Variants in COLEC10 observed in about 807,000 individuals in gnomAD.
COLEC10 encodes collectin-10.
COLEC10 carries 22 observed loss-of-function variants against 28.4 expected under a neutral mutation model. The observed-to-expected ratio is 0.78, with a 90% CI of 0.55 to 1.11. The LOEUF is 1.11. Among genes scored for constraint, COLEC10 ranks in the 50% least tolerant of loss-of-function variants. The probability of loss-of-function intolerance (pLI) is 0.00; values close to 1 mark genes in which losing one functional copy is unlikely to be tolerated. For missense variants in COLEC10, 361 were observed against 344.1 expected, an observed-to-expected ratio of 1.05 and a Z score of -0.39; for synonymous variants, 125 against 116.1, an observed-to-expected ratio of 1.08 and a Z score of -0.49.
the COLEC10 span, among the ~76,000 whole-genome samples, chr8:118,986,150 C>A: frequency 6.6e-6 from 1 of 152,044 alleles, no homozygotes; most frequent in African/African-American, 2.4e-5. Flanking sequence ...AAAACCAAAG[C>A]AAATACAAAC....
intron 2 of COLEC10, 62 bp downstream of exon 2, chr8:119,089,813 C>A: frequency 1.4e-6 from 2 of 1,388,810 alleles, no homozygotes; most frequent in Non-Finnish European, 1.0e-6. Context: ...TCTCTCCTGG[C>A]CCTTGCCCTG....
intron 1 of COLEC10, chr8:119,068,827 C>T (rs528245647): frequency 1.3e-5 from 2 of 151,896 alleles, no homozygotes; most frequent in African/African-American, 4.8e-5. Flanking sequence ...GTTCTAGAAC[C>T]GTGGGTTCTA....
chr8:119,044,381 A>T (rs750699325), intron 2 of COLEC10, among the ~76,000 whole-genome samples: 1 of 152,214 alleles, frequency 6.6e-6, no homozygotes, highest in Admixed American at 6.5e-5. Context: ...GAGTAAGACC[A>T]TGTGGAATGG....
upstream of COLEC10, among the ~76,000 whole-genome samples, chr8:119,065,157 C>T (rs1462216883): frequency 6.6e-6 from 1 of 152,162 alleles, no homozygotes; most frequent in Non-Finnish European, 1.5e-5. Context: ...CCCCAGTCCC[C>T]AGGCCACGAA....
chr8:119,045,744 T>C (rs1422363693), intron 2 of COLEC10, among the ~76,000 whole-genome samples: 2 of 152,222 alleles, frequency 1.3e-5, no homozygotes, highest in Non-Finnish European at 1.5e-5. Context: ...AATTCAAAAC[T>C]TTTTTTCTCC....
chr8:119,048,109 C>A (rs1474152307), intron 2 of COLEC10, among the ~76,000 whole-genome samples: 3 of 151,984 alleles, frequency 2.0e-5, no homozygotes, highest in African/African-American at 7.3e-5. Flanking sequence ...AGCCTAGTAC[C>A]CAATAGGTAA....
At chr8:119,016,350 C>T (rs1435252413) in intron 2 of COLEC10, among the ~76,000 whole-genome samples, 1 of 152,186 alleles carries the variant, frequency 6.6e-6, no homozygotes, top group Non-Finnish European at 1.5e-5. Flanking sequence ...CTGCAAAGGA[C>T]ATGAACTCAT....
chr8:118,971,360 G>A, the COLEC10 span, among the ~76,000 whole-genome samples: 3 of 151,906 alleles, frequency 2.0e-5, no homozygotes, highest in African/African-American at 7.2e-5. Flanking sequence ...CCTTTTCTGG[G>A]TTCCAGTAAC....
intron 1 of COLEC10, among the ~76,000 whole-genome samples, chr8:119,080,415 A>G (rs951242794): frequency 1.3e-5 from 2 of 152,222 alleles, no homozygotes; most frequent in African/African-American, 2.4e-5. Flanking sequence ...TAAATATTTG[A>G]CATTAATACA....
intron 2 of COLEC10, among the ~76,000 whole-genome samples, chr8:119,044,385 G>A (rs1484605200): frequency 6.6e-6 from 1 of 152,156 alleles, no homozygotes; most frequent in Non-Finnish European, 1.5e-5. Context: ...AAGACCATGT[G>A]GAATGGACCA....
chr8:119,035,473 A>C (rs999637320), intron 2 of COLEC10, among the ~76,000 whole-genome samples: 1 of 152,252 alleles, frequency 6.6e-6, no homozygotes, highest in Non-Finnish European at 1.5e-5. Context: ...TTCCAGTGAA[A>C]AACCTTGGAA....
At chr8:118,993,311 A>G (rs1276726074), upstream of COLEC10, among the ~76,000 whole-genome samples, 1 of 151,836 alleles carries the variant, frequency 6.6e-6, no homozygotes, top group East Asian at 1.9e-4. Flanking sequence ...CTGTTTTCTC[A>G]CATGATCTTT....
chr8:118,993,290 A>G (rs1813532759), upstream of COLEC10, among the ~76,000 whole-genome samples: 1 of 152,004 alleles, frequency 6.6e-6, no homozygotes, highest in Non-Finnish European at 1.5e-5. Context: ...GCTTGTACAT[A>G]GATGTCTTTT....
chr8:119,091,476 G>T (rs543549295), intron 3 of COLEC10, among the ~76,000 whole-genome samples: 1 of 151,456 alleles, frequency 6.6e-6, no homozygotes, highest in Non-Finnish European at 1.5e-5. Context: ...GATCGTTTGA[G>T]CCCATAAGTT....
At chr8:119,066,577 C>T (rs970273315), upstream of COLEC10, among the ~76,000 whole-genome samples, 2 of 152,326 alleles carry the variant, frequency 1.3e-5, no homozygotes, top group Admixed American at 6.5e-5. Context: ...CTTTCTGCCA[C>T]ATCCCTTCAA....
intron 1 of COLEC10, among the ~76,000 whole-genome samples, chr8:119,079,055 G>C (rs1261443462): frequency 6.7e-6 from 1 of 149,906 alleles, no homozygotes; most frequent in East Asian, 2.0e-4. Flanking sequence ...CAACCAGGAT[G>C]TTGCAAATCT....
At chr8:118,955,325 A>G in the COLEC10 span, among the ~76,000 whole-genome samples, 5 of 152,212 alleles carry the variant, frequency 3.3e-5, no homozygotes, top group African/African-American at 1.2e-4. Flanking sequence ...ATGTACAGAA[A>G]GGTAAAGGTA....
intron 3 of COLEC10, among the ~76,000 whole-genome samples, chr8:119,098,813 G>A (rs1207306265): frequency 6.6e-6 from 1 of 151,974 alleles, no homozygotes; most frequent in Non-Finnish European, 1.5e-5. Context: ...TTATGAGCAT[G>A]TCCTGGAATC....
the COLEC10 span, among the ~76,000 whole-genome samples, chr8:118,968,444 C>G: frequency 6.6e-6 from 1 of 151,888 alleles, no homozygotes; most frequent in Non-Finnish European, 1.5e-5. Context: ...CATAGAACTC[C>G]TTTACTAAGT....
Sources: gnomAD v4.1 joint callset for allele counts (sites outside exome capture counted in the v4.1 genomes callset) on GRCh38, gnomAD v4.1.1 for gene constraint, MANE v1.5 for transcripts, NCBI Gene and HGNC (gene_info 2026-07-23, HGNC 2026-07-21) for gene names.